Variants in ARID5B observed in about 807,000 individuals in gnomAD.
The protein encoded by ARID5B is AT-rich interactive domain-containing protein 5B.
A neutral mutation model predicts 97.2 loss-of-function variants in ARID5B; 13 were observed. The ratio of observed to expected loss-of-function variants is 0.13; its 90% confidence interval spans 0.09 to 0.21. The LOEUF (loss-of-function observed/expected upper bound fraction) is 0.21, where lower values mean the gene tolerates loss of function less well. ARID5B is among the 10% of genes least tolerant of loss of function. The pLI is 1.00. For synonymous variants in ARID5B, 556 were observed against 570.3 expected (o/e 0.97, Z 0.36); for missense variants, 1,210 against 1,465.3 (o/e 0.83, Z 2.84).
At chr10:61,979,482 C>G (rs1375751309) in intron 3 of ARID5B, among the ~76,000 whole-genome samples, 1 of 152,168 alleles carries the variant, frequency 6.6e-6, no homozygotes, top group African/African-American at 2.4e-5. Flanking sequence ...CATGCAAACA[C>G]TAACGTCATC....
chr10:61,998,381 G>A (rs778253625), intron 3 of ARID5B, among the ~76,000 whole-genome samples: 2 of 152,168 alleles, frequency 1.3e-5, no homozygotes, highest in Non-Finnish European at 2.9e-5. Context: ...TTTCCCTTTG[G>A]AGAAGCAAGT....
chr10:62,076,338 C>T (rs975331088), intron 8 of ARID5B, among the ~76,000 whole-genome samples: 27 of 151,990 alleles, frequency 1.8e-4, no homozygotes, highest in African/African-American at 4.8e-4. Flanking sequence ...CCCAGGAGTT[C>T]GAAACCAGCC....
chr10:61,940,463 C>T (rs1020133079), intron 3 of ARID5B, 55 bp downstream of exon 3: 17 of 1,466,252 alleles, frequency 1.2e-5, no homozygotes, highest in East Asian at 7.2e-5. Context: ...AGTAACTTTT[C>T]GGTTGAAGAT....
At position 62,070,913 on chromosome 10, in the gene ARID5B, A is replaced by G. The variant is rs560465121; in HGVS notation, c.1199+1116A>G. On this transcript the variant is annotated intron_variant, in intron 8 of 9. Coordinates refer to ENST00000279873, the MANE Select transcript of ARID5B (RefSeq NM_032199.3). ...CATTCTCACTGTATGTATAAGGTAC[A>G]CCACTGATGTCCTAGTACAAAGTAG... is the stretch of plus-strand genomic sequence containing the variant. 5.9e-5 allele frequency among the ~76,000 whole-genome samples: 9 copies of G among 152,262 alleles called. No homozygotes were observed. The South Asian group carries it at 1.9e-3, about 32-fold the overall frequency.
chr10:61,902,775 C>T (rs940368739), intron 2 of ARID5B, among the ~76,000 whole-genome samples: 1 of 150,712 alleles, frequency 6.6e-6, no homozygotes, highest in Non-Finnish European at 1.5e-5. Flanking sequence ...TATTTTTTGC[C>T]TTTTGAAAAT....
chr10:61,968,173 C>A (rs1473579904), intron 3 of ARID5B, among the ~76,000 whole-genome samples: 1 of 135,060 alleles, frequency 7.4e-6, no homozygotes, highest in East Asian at 2.0e-4. Flanking sequence ...AGTCAGCACA[C>A]ACACACATAT....
At chr10:61,942,009 T>A (rs538085955) in intron 3 of ARID5B, among the ~76,000 whole-genome samples, 19 of 152,348 alleles carry the variant, frequency 1.2e-4, no homozygotes, top group African/African-American at 4.3e-4. Flanking sequence ...TTCTTTTGTT[T>A]GTTTAATTTT....
chr10:61,908,820 AAAG>A lies in ARID5B; in HGVS notation c.276+6419_276+6421del, dbSNP rs1177486622. ...ATCTCAAAAAAAAAAAAAAAAAAAA[AAAG>A]AAGAAGAAGAATGGCCTCTGCCCTC... is the stretch of plus-strand genomic sequence containing the variant. On this transcript the variant is annotated intron_variant, in intron 2 of 9. Transcript: ENST00000279873. 3.1e-3 allele frequency among the ~76,000 whole-genome samples: 458 copies of A among 146,118 alleles called. 6 individuals are homozygous for A. Among genetic ancestry groups the A allele is most frequent in the Non-Finnish European group, 3.9e-3 (262 of 67,424 alleles).
intron 4 of ARID5B, among the ~76,000 whole-genome samples, chr10:62,022,453 A>C (rs1226130071): frequency 6.6e-6 from 1 of 152,210 alleles, no homozygotes; most frequent in African/African-American, 2.4e-5. Context: ...CTTTCGCAGG[A>C]AAGAGGAGCT....
rs192132206 is a variant in ARID5B, at chr10:62,078,505, T to A, written c.1200-7197T>A. On this transcript the variant is annotated intron_variant, in intron 8 of 9. Coordinates refer to ENST00000279873, the MANE Select transcript of ARID5B (RefSeq NM_032199.3). ...TTTATTATTCTTGAAATAATGTTCA[T>A]CTGCCCTTGAAATGGATCCATACAA... 1.4e-4 allele frequency among the ~76,000 whole-genome samples: 21 copies of A among 152,332 alleles called. No individual in the cohort carries two copies. In the East Asian group the frequency reaches 3.7e-3, roughly 27 times the overall value.
At chr10:61,924,153 A>G (rs1424844621) in intron 2 of ARID5B, among the ~76,000 whole-genome samples, 1 of 152,188 alleles carries the variant, frequency 6.6e-6, no homozygotes, top group East Asian at 1.9e-4. Context: ...CACCTTTAGA[A>G]AGCATGTCTT....
chr10:62,042,974 C>G, intron 4 of ARID5B, among the ~76,000 whole-genome samples: 1 of 151,274 alleles, frequency 6.6e-6, no homozygotes, highest in Middle Eastern at 3.5e-3. Flanking sequence ...TTTCCATAGG[C>G]TCCTGATCCT....
chr10:61,999,308 G>A (rs968286518), intron 3 of ARID5B, among the ~76,000 whole-genome samples: 12 of 152,208 alleles, frequency 7.9e-5, no homozygotes, highest in African/African-American at 2.4e-4. Context: ...TTTCTATGGG[G>A]TTACAGCCCA....
rs1028856134 is a variant in ARID5B, at chr10:62,094,081, C to T, written c.*1051C>T. 1 of 233,462 alleles carries T rather than the reference C, an allele frequency of 4.3e-6. No homozygotes were observed. The highest frequency in any genetic ancestry group is 2.2e-5 in the African/African-American group (1 of 45,348). The allele number at this position is 233,462 out of a possible 1,614,324, so 14.5% of individuals were successfully genotyped here. On this transcript the variant is annotated 3_prime_UTR_variant, in exon 10 of 10. Transcript: ENST00000279873. ...TACCAGAGAATCATAAAAACAAAAA[C>T]CTCACTGGCAGCAAGCTGCCGAATA...
At chr10:62,003,649 A>G (rs1839110750) in intron 4 of ARID5B, among the ~76,000 whole-genome samples, 1 of 152,114 alleles carries the variant, frequency 6.6e-6, no homozygotes, top group African/African-American at 2.4e-5. Flanking sequence ...CATGTGACTC[A>G]GTGACCAAGC....
At chr10:61,969,695 G>A (rs1838598822) in intron 3 of ARID5B, among the ~76,000 whole-genome samples, 1 of 152,080 alleles carries the variant, frequency 6.6e-6, no homozygotes, top group Non-Finnish European at 1.5e-5. Context: ...GTTTTTTAGT[G>A]ACACTTTACC....
At chr10:62,034,450 A>G (rs141026205) in intron 4 of ARID5B, among the ~76,000 whole-genome samples, 35 of 152,346 alleles carry the variant, frequency 2.3e-4, no homozygotes, top group African/African-American at 8.4e-4. Flanking sequence ...TATTGCATGT[A>G]TATATTTAAC....
chr10:62,080,349 C>T (rs1840196045), intron 8 of ARID5B, among the ~76,000 whole-genome samples: 1 of 152,188 alleles, frequency 6.6e-6, no homozygotes, highest in South Asian at 2.1e-4. Flanking sequence ...CTGTGCTCAA[C>T]CAGGGTTGTG....
chr10:62,076,204 CA>C (rs66509644), intron 8 of ARID5B, among the ~76,000 whole-genome samples: 49,874 of 151,738 alleles, frequency 0.33, 8,876 homozygotes, highest in Non-Finnish European at 0.4. Context: ...TAACCCATCA[CA>C]AGATCTGAGT....
Sources: gnomAD v4.1 joint callset for allele counts (sites outside exome capture counted in the v4.1 genomes callset) on GRCh38, gnomAD v4.1.1 for gene constraint, MANE v1.5 for transcripts, NCBI Gene and HGNC (gene_info 2026-07-23, HGNC 2026-07-21) for gene names.